TIFA: variants seen among roughly 807,000 people sequenced by gnomAD.
The protein encoded by TIFA is TRAF-interacting protein with FHA domain-containing protein A.
For missense variants in TIFA, 186 were observed against 215.2 expected (o/e 0.86, Z 0.85); for synonymous variants, 75 against 79.2 (o/e 0.95, Z 0.28).
Position 112,275,124 on chromosome 4 carries a change from G to GT in TIFA, c.*2737dup, listed in dbSNP as rs1727083642. 6.6e-6 allele frequency: 1 copy of GT among 151,262 alleles called. No homozygotes were observed. Among genetic ancestry groups the GT allele is most frequent in the Non-Finnish European group, 1.5e-5 (1 of 67,888 alleles). 9.4% of individuals were successfully genotyped at this position (151,262 alleles called of 1,614,324 possible). ...GTGACCATTTTTTTGAGAAAATGCT[G>GT]TATCTATCCACATGATCACTGACCA... On this transcript the variant is annotated 3_prime_UTR_variant, in exon 2 of 2. Transcript: ENST00000361717.
rs1578433995 is a variant in TIFA at position 112,285,710 on chromosome 4, G to A, written c.-89C>T. 6.6e-6 allele frequency: 1 copy of A among 152,464 alleles called. No individual in the cohort carries two copies. Among genetic ancestry groups the A allele is most frequent in the South Asian group, 2.1e-4 (1 of 4,836 alleles). The allele number at this position is 152,464 out of a possible 1,614,324, so 9.4% of individuals were successfully genotyped here. A position where few individuals can be genotyped will look rare whatever the true frequency, so the allele number is the denominator to read the frequency against. ...CCGGCTCAGAGCGAGGGGAATCGAG[G>A]AGACTGGGCGCAGGATGGGGGTGGA... is the stretch of plus-strand genomic sequence containing the variant. On this transcript the variant is annotated 5_prime_UTR_variant, in exon 1 of 2. Transcript: ENST00000361717.
intron 1 of TIFA, among the ~76,000 whole-genome samples, chr4:112,279,928 A>G (rs1727193371): frequency 6.6e-6 from 1 of 152,080 alleles, no homozygotes; most frequent in Admixed American, 6.6e-5. Flanking sequence ...TCGCCCTCCC[A>G]AAAGTGCTGG....
chr4:112,275,048 C>T lies in TIFA; in HGVS notation c.*2814G>A, dbSNP rs1226291016. ...TATGGAAGGTTTCACATCTTAGCTT[C>T]AGTACCTTGTATCAAACACCAATAT... On this transcript the variant is annotated 3_prime_UTR_variant, in exon 2 of 2. Transcript: ENST00000361717. The T allele has an allele frequency of 2.0e-5, 3 of 152,190 alleles. No individual in the cohort carries two copies. The highest frequency in any genetic ancestry group is 6.5e-5 in the Admixed American group (1 of 15,284). The allele number at this position is 152,190 out of a possible 1,614,324, so 9.4% of individuals were successfully genotyped here.
At chr4:112,280,343 C>CTTTTTTTTTTTTTTTTTTT in intron 1 of TIFA, among the ~76,000 whole-genome samples, 1 of 76,748 alleles carries the variant, frequency 1.3e-5, no homozygotes, top group Non-Finnish European at 2.3e-5. Context: ...CTGGCATTTC[C>CTTTTTTTTTTTTTTTTTTT]TTTTTTTTTT....
chr4:112,279,993 G>A (rs1727195539), intron 1 of TIFA, among the ~76,000 whole-genome samples: 1 of 151,930 alleles, frequency 6.6e-6, no homozygotes, highest in Non-Finnish European at 1.5e-5. Flanking sequence ...TAATACATAT[G>A]GGTGATAATT....
chr4:112,283,530 A>G (rs1217750678), intron 1 of TIFA, among the ~76,000 whole-genome samples: 1 of 152,218 alleles, frequency 6.6e-6, no homozygotes, highest in Non-Finnish European at 1.5e-5. Context: ...TGACCTGAAC[A>G]CTCTGACATT....
Position 112,278,106 on chromosome 4 carries a change from C to A in TIFA, c.311G>T (p.Gly104Val), listed in dbSNP as rs1727155901. ...TGGCAGGTCCATTTTATTTAGGTAGCCCAGCTCTCTGCTGTCCACGATCAG... is the reference window on the plus strand; with the variant it reads ...TGGCAGGTCCATTTTATTTAGGTAGACCAGCTCTCTGCTGTCCACGATCAG... ...TNLIVDSREL[G>V]YLNKMDLPYR... Residue 104 changes from glycine (G) to valine (V), a missense_variant, in exon 2 of 2, where the codon GGC (glycine) becomes GTC (valine). Transcript: ENST00000361717. The A allele has an allele frequency of 6.2e-7, 1 of 1,613,920 alleles. No homozygotes were observed. The highest frequency in any genetic ancestry group is 8.5e-7 in the Non-Finnish European group (1 of 1,179,996).
intron 1 of TIFA, among the ~76,000 whole-genome samples, chr4:112,284,725 A>T (rs1395257511): frequency 6.6e-6 from 1 of 152,002 alleles, no homozygotes; most frequent in Non-Finnish European, 1.5e-5. Flanking sequence ...CTGAGCACAC[A>T]GGAGGGGAAC....
chr4:112,278,419 T>C lies in TIFA; in HGVS notation c.-3A>G. The C allele has an allele frequency of 6.5e-7, 1 of 1,546,086 alleles. No homozygotes were observed. Among genetic ancestry groups the C allele is most frequent in the Non-Finnish European group, 8.7e-7 (1 of 1,148,876 alleles). On this transcript the variant is annotated 5_prime_UTR_variant, in exon 2 of 2. Coordinates refer to ENST00000361717, the MANE Select transcript of TIFA (RefSeq NM_052864.3). Reference sequence around the variant, plus strand: ...TCAGCATCTTCAAAACTGGTCATGATGTGCACAAGGCCCACCTGCAATAAT... The same window carrying C: ...TCAGCATCTTCAAAACTGGTCATGACGTGCACAAGGCCCACCTGCAATAAT...
In TIFA at chr4:112,281,096, C is replaced by T. The variant is rs113474869; in HGVS notation, c.-18-2662G>A. On this transcript the variant is annotated intron_variant, in intron 1 of 1. Coordinates refer to ENST00000361717, the MANE Select transcript of TIFA (RefSeq NM_052864.3). ...AGTCATGGGATGATGCATTAGCAGT[C>T]GACAAGAAAAGCATTTGCTATTAAC... Among the ~76,000 whole-genome samples, 28 of 152,232 alleles carry T rather than the reference C, an allele frequency of 1.8e-4. No individual in the cohort carries two copies. The East Asian group carries it at 1.9e-3, about 10-fold the overall frequency.
Position 112,277,680 on chromosome 4 carries a change from A to AGCCGT in TIFA, c.*181_*182insACGGC. The AGCCGT allele has an allele frequency of 5.0e-6, 2 of 397,160 alleles. No individual in the cohort carries two copies. Among genetic ancestry groups the AGCCGT allele is most frequent in the Non-Finnish European group, 4.2e-6 (1 of 240,702 alleles). 24.6% of individuals were successfully genotyped at this position (397,160 alleles called of 1,614,324 possible). On this transcript the variant is annotated 3_prime_UTR_variant, in exon 2 of 2. Transcript: ENST00000361717. ...ATAATTTTGTGTAGATCCAGAATAC[A>AGCCGT]ACAGGTGACTAAGTTAATGACTAAC...
At chr4:112,281,557 G>A (rs1727228352) in intron 1 of TIFA, 1 of 152,186 alleles carries the variant, frequency 6.6e-6, no homozygotes, top group Non-Finnish European at 1.5e-5. Flanking sequence ...GAGGCAGACT[G>A]CTTTAGTGTC....
In TIFA at chr4:112,276,406, A is replaced by G. The variant is rs1453416187; in HGVS notation, c.*1456T>C. ...ACACCCAGATAATCCAGCATAATCTATTTTACTTCCATCTGCAGCCTTCAT... is the reference window on the plus strand; with the variant it reads ...ACACCCAGATAATCCAGCATAATCTGTTTTACTTCCATCTGCAGCCTTCAT... On this transcript the variant is annotated 3_prime_UTR_variant, in exon 2 of 2. Transcript: ENST00000361717. The G allele has an allele frequency of 6.5e-6, 1 of 153,156 alleles. No homozygotes were observed. The highest frequency in any genetic ancestry group is 1.5e-5 in the Non-Finnish European group (1 of 68,088). 9.5% of individuals were successfully genotyped at this position (153,156 alleles called of 1,614,324 possible). A position where few individuals can be genotyped will look rare whatever the true frequency, so the allele number is the denominator to read the frequency against.
In TIFA at chr4:112,278,105, G is replaced by T; in HGVS notation, c.312C>A (p.Gly104=). Residue 104 remains glycine, a synonymous_variant, in exon 2 of 2, where the codon GGC becomes GGA. Coordinates refer to ENST00000361717, the MANE Select transcript of TIFA (RefSeq NM_052864.3). ...TNLIVDSREL[G]YLNKMDLPYR... ...ATGGCAGGTCCATTTTATTTAGGTA[G>T]CCCAGCTCTCTGCTGTCCACGATCA... 1 of 1,613,890 alleles carries T rather than the reference G, an allele frequency of 6.2e-7. No homozygotes were observed.
rs1378515276 is a variant in TIFA, at chr4:112,274,820, ACTTTT to A, written c.*3037_*3041del. The A allele has an allele frequency of 6.6e-6, 1 of 152,196 alleles. No homozygotes were observed. The allele number at this position is 152,196 out of a possible 1,614,324, so 9.4% of individuals were successfully genotyped here. ...ATGTTAGAGTCTAACAGTAATACTT[ACTTTT>A]AAGTCAGTTACTGCATTAGATAGTA... is the stretch of plus-strand genomic sequence containing the variant. On this transcript the variant is annotated 3_prime_UTR_variant, in exon 2 of 2. Coordinates refer to ENST00000361717, the MANE Select transcript of TIFA (RefSeq NM_052864.3).
chr4:112,278,163 A>G lies in TIFA; in HGVS notation c.254T>C (p.Phe85Ser), dbSNP rs1453475024. 2 of 1,613,926 alleles carry G rather than the reference A, an allele frequency of 1.2e-6. No individual in the cohort carries two copies. The highest frequency in any genetic ancestry group is 1.7e-6 in the Non-Finnish European group (2 of 1,179,978). ...FKKFNSSVLS[F>S]EIKNMSKKTN... ...CTTTTTACTCATATTTTTTATTTCA[A>G]AGGAGAGAACTGAGCTGTTGAATTT... The change falls in exon 2 of 2, where the codon TTT becomes TCT. Residue 85 changes from phenylalanine (F) to serine (S), a missense_variant. By Grantham distance (155) the Phe-to-Ser change is radical (BLOSUM62 -2). Transcript: ENST00000361717.
intron 1 of TIFA, among the ~76,000 whole-genome samples, chr4:112,280,325 C>G (rs1727203621): frequency 7.0e-6 from 1 of 143,136 alleles, no homozygotes; most frequent in Admixed American, 7.0e-5. Flanking sequence ...CTTTCCCTTT[C>G]TATCTTGCTG....
In TIFA at chr4:112,278,413, T is replaced by C; in HGVS notation, c.4A>G (p.Thr2Ala). ...TCTGTGTCAGCATCTTCAAAACTGG[T>C]CATGATGTGCACAAGGCCCACCTGC... M[T>A]SFEDADTEET... Residue 2 changes from threonine to alanine, a missense_variant, in exon 2 of 2, where the codon ACC (threonine) becomes GCC (alanine). Thr to Ala is a moderately conservative substitution (Grantham distance 58). Transcript: ENST00000361717. The C allele has an allele frequency of 6.4e-7, 1 of 1,551,740 alleles. No individual in the cohort carries two copies. The highest frequency in any genetic ancestry group is 8.7e-7 in the Non-Finnish European group (1 of 1,151,214).
At chr4:112,282,417 T>A (rs1385962987) in intron 1 of TIFA, among the ~76,000 whole-genome samples, 1 of 152,218 alleles carries the variant, frequency 6.6e-6, no homozygotes, top group Non-Finnish European at 1.5e-5. Flanking sequence ...ACCAAGTACC[T>A]CCACTTTTCT....
Sources: allele counts gnomAD v4.1 joint callset (sites outside exome capture counted in the v4.1 genomes callset), GRCh38; gene constraint gnomAD v4.1.1; transcripts MANE v1.5; gene names NCBI Gene and HGNC (gene_info 2026-07-23, HGNC 2026-07-21).